GABRG3: variants seen among roughly 807,000 people sequenced by gnomAD.
GABRG3 encodes the protein gamma-aminobutyric acid receptor subunit gamma-3.
In GABRG3, 25 loss-of-function variants were observed where a neutral mutation model predicts 48.8. The observed-to-expected ratio is 0.51, with a 90% confidence interval of 0.37 to 0.72. The LOEUF (loss-of-function observed/expected upper bound fraction) is 0.72. GABRG3 is among the 30% of genes least tolerant of loss of function. The pLI, the probability that GABRG3 is intolerant of heterozygous loss-of-function variation, is 0.00. For missense variants in GABRG3, 394 were observed against 577.9 expected, an observed-to-expected ratio of 0.68 and a Z score of 3.26; for synonymous variants, 227 against 217.6, an observed-to-expected ratio of 1.04 and a Z score of -0.38.
At position 27,069,642 on chromosome 15, in the gene GABRG3, C is replaced by G. The variant is rs184753544; in HGVS notation, c.270+42821C>G. ...TGTTAACTGCCGTTATTATAAGAAA[C>G]AGGATTATTATTTAAACTATGATTT... On this transcript the variant is annotated intron_variant, in intron 3 of 9. Coordinates refer to ENST00000615808, the MANE Select transcript of GABRG3 (RefSeq NM_033223.5). Among the ~76,000 whole-genome samples, 3 of 152,314 alleles carry G rather than the reference C, an allele frequency of 2.0e-5. No individual in the cohort carries two copies. The East Asian group carries it at 5.8e-4, about 29-fold the overall frequency.
intron 5 of GABRG3, among the ~76,000 whole-genome samples, chr15:27,329,170 T>G (rs541348303): frequency 1.3e-5 from 2 of 152,382 alleles, no homozygotes; most frequent in African/African-American, 4.8e-5. Context: ...AAGACCCTTA[T>G]GCTAATGAGC....
chr15:27,342,238 C>T (rs897504312), intron 5 of GABRG3, among the ~76,000 whole-genome samples: 1 of 152,244 alleles, frequency 6.6e-6, no homozygotes. Context: ...ATTCTGACCC[C>T]AGTCCCCACC....
chr15:27,300,080 AACT>A (rs1566763290), intron 3 of GABRG3, among the ~76,000 whole-genome samples: 7 of 152,268 alleles, frequency 4.6e-5, no homozygotes, highest in Non-Finnish European at 5.9e-5. Context: ...AAATCTTTCA[AACT>A]CTTACATACA....
At chr15:27,214,865 T>C (rs1283628537) in intron 3 of GABRG3, among the ~76,000 whole-genome samples, 4 of 152,174 alleles carry the variant, frequency 2.6e-5, no homozygotes, top group Admixed American at 6.5e-5. Flanking sequence ...GTAAAGCTCC[T>C]TCTCTGCCAG....
At chr15:27,141,504 G>A (rs1005142026) in intron 3 of GABRG3, among the ~76,000 whole-genome samples, 32 of 152,098 alleles carry the variant, frequency 2.1e-4, no homozygotes, top group African/African-American at 7.0e-4. Context: ...ACTCCTTCAG[G>A]AGATGCAAAG....
intron 5 of GABRG3, among the ~76,000 whole-genome samples, chr15:27,433,694 G>T: frequency 6.6e-6 from 1 of 152,100 alleles, no homozygotes; most frequent in East Asian, 1.9e-4. Context: ...GTGTCGATAT[G>T]GTTCATATGG....
chr15:27,198,074 A>C (rs1888553925), intron 3 of GABRG3, among the ~76,000 whole-genome samples: 1 of 152,118 alleles, frequency 6.6e-6, no homozygotes, highest in Non-Finnish European at 1.5e-5. Context: ...AATACCATTC[A>C]GGACATAGGC....
intron 5 of GABRG3, among the ~76,000 whole-genome samples, chr15:27,436,035 T>A (rs1362578039): frequency 6.6e-6 from 1 of 152,182 alleles, no homozygotes. Flanking sequence ...AATATAGATA[T>A]GGGGATTAGT....
intron 5 of GABRG3, among the ~76,000 whole-genome samples, chr15:27,386,410 G>A (rs890642228): frequency 7.9e-5 from 12 of 152,082 alleles, no homozygotes; most frequent in Admixed American, 2.0e-4. Flanking sequence ...CTGGATCTTC[G>A]TGTTAAATTT....
intron 3 of GABRG3, among the ~76,000 whole-genome samples, chr15:27,169,922 G>A (rs143690082): frequency 0.01 from 1,544 of 152,270 alleles, 16 homozygotes; most frequent in Non-Finnish European, 0.016. Flanking sequence ...AGTACTGATG[G>A]AAGAGGGAGA....
intron 3 of GABRG3, among the ~76,000 whole-genome samples, chr15:27,146,346 A>T (rs1898209189): frequency 6.6e-6 from 1 of 152,076 alleles, no homozygotes; most frequent in Non-Finnish European, 1.5e-5. Context: ...AGTCCCAACT[A>T]CTCAGGAGGC....
intron 3 of GABRG3, among the ~76,000 whole-genome samples, chr15:27,063,702 A>C (rs1896690053): frequency 6.6e-6 from 1 of 152,210 alleles, no homozygotes; most frequent in African/African-American, 2.4e-5. Context: ...GAATGGCCTA[A>C]GACAGCACCT....
intron 3 of GABRG3, among the ~76,000 whole-genome samples, chr15:27,030,307 T>C (rs770079326): frequency 3.3e-5 from 5 of 152,204 alleles, no homozygotes; most frequent in Non-Finnish European, 7.3e-5. Flanking sequence ...TCCTCCTCCT[T>C]CTTTCACACT....
At chr15:27,313,810 G>A (rs1893114033) in intron 3 of GABRG3, among the ~76,000 whole-genome samples, 1 of 152,006 alleles carries the variant, frequency 6.6e-6, no homozygotes, top group African/African-American at 2.4e-5. Flanking sequence ...AATACTTATA[G>A]GATATGAGGA....
At chr15:27,504,206 CCTT>C (rs1359856803) in intron 6 of GABRG3, among the ~76,000 whole-genome samples, 1 of 152,038 alleles carries the variant, frequency 6.6e-6, no homozygotes, top group Admixed American at 6.6e-5. Context: ...CTGTGATCCT[CCTT>C]TTTTGTTCTA....
Position 27,180,935 on chromosome 15 carries a change from C to T in GABRG3, c.271-145874C>T, listed in dbSNP as rs1887910735. Among the ~76,000 whole-genome samples the T allele has an allele frequency of 6.6e-6, 1 of 152,096 alleles. No homozygotes were observed. Among genetic ancestry groups the T allele is most frequent in the African/African-American group, 2.4e-5 (1 of 41,410 alleles). On this transcript the variant is annotated intron_variant, in intron 3 of 9. Coordinates refer to ENST00000615808, the MANE Select transcript of GABRG3 (RefSeq NM_033223.5). The surrounding 1 kb of genome is among the most constrained non-coding windows in gnomAD (Gnocchi z 4.2). ...GTTTAGTATTTTAGGGTTGAAAACC[C>T]CTCTCGCTTTGGGTGTTACGTTCAG...
chr15:27,000,902 A>G (rs1416306632), intron 2 of GABRG3, among the ~76,000 whole-genome samples: 1 of 152,186 alleles, frequency 6.6e-6, no homozygotes, highest in Non-Finnish European at 1.5e-5. Context: ...GTGAATTTTG[A>G]CTATTTCCAC....
At chr15:27,360,109 T>C (rs1894972836) in intron 5 of GABRG3, among the ~76,000 whole-genome samples, 1 of 152,128 alleles carries the variant, frequency 6.6e-6, no homozygotes, top group South Asian at 2.1e-4. Flanking sequence ...AAGCAAATAC[T>C]GTGGGACTCA....
Position 26,971,382 on chromosome 15 carries a change from C to A in GABRG3, c.-154C>A. 2.1e-6 allele frequency: 1 copy of A among 466,930 alleles called. No homozygotes were observed. Among genetic ancestry groups the A allele is most frequent in the Non-Finnish European group, 3.4e-6 (1 of 293,524 alleles). 28.9% of individuals were successfully genotyped at this position (466,930 alleles called of 1,614,324 possible). A position where few individuals can be genotyped will look rare whatever the true frequency, so the allele number is the denominator to read the frequency against. On this transcript the variant is annotated 5_prime_UTR_variant, in exon 1 of 10. Coordinates refer to ENST00000615808, the MANE Select transcript of GABRG3 (RefSeq NM_033223.5). The stretch of plus-strand genomic sequence containing the variant: ...GTCCAGTGTGCGCCCCGCGGGGGCG[C>A]GGCCAGCGCCAGAGTAGATACCTGT...
Sources: allele counts gnomAD v4.1 joint callset (sites outside exome capture counted in the v4.1 genomes callset), GRCh38; gene constraint gnomAD v4.1.1; non-coding constraint Gnocchi (gnomAD v3.1); transcripts MANE v1.5; gene names NCBI Gene and HGNC (gene_info 2026-07-23, HGNC 2026-07-21).